Variants in HECW1 observed in about 807,000 individuals in gnomAD.
The protein encoded by HECW1 is HECT, C2 and WW domain containing E3 ubiquitin protein ligase 1.
In HECW1, 61 loss-of-function variants were observed where a neutral mutation model predicts 182.3. That is an observed-to-expected ratio of 0.33 (90% CI 0.27 to 0.41). The LOEUF (loss-of-function observed/expected upper bound fraction) is 0.41, where lower values mean the gene tolerates loss of function less well. Among genes scored for constraint, HECW1 ranks in the 10% least tolerant of loss-of-function variants. HECW1 has a pLI of 1.00. For missense variants in HECW1, 1,739 were observed against 2,108.9 expected, an observed-to-expected ratio of 0.82 and a Z score of 3.44; for synonymous variants, 859 against 832.6, an observed-to-expected ratio of 1.03 and a Z score of -0.55.
At chr7:43,356,775 A>G (rs1293544863) in intron 5 of HECW1, among the ~76,000 whole-genome samples, 1 of 152,230 alleles carries the variant, frequency 6.6e-6, no homozygotes, top group Non-Finnish European at 1.5e-5. Context: ...AAATTAAACT[A>G]CATGCTCCTG....
chr7:43,154,714 G>T (rs1387870390), intron 2 of HECW1, among the ~76,000 whole-genome samples: 1 of 152,186 alleles, frequency 6.6e-6, no homozygotes. Context: ...AATGTCTTAA[G>T]CCACACTGCG....
At chr7:43,306,929 G>A (rs894367039) in intron 3 of HECW1, among the ~76,000 whole-genome samples, 3 of 151,826 alleles carry the variant, frequency 2.0e-5, no homozygotes, top group African/African-American at 7.3e-5. Context: ...AACCCACAAG[G>A]CCTATTCCAA....
chr7:43,394,103 G>A (rs2075142838), intron 6 of HECW1, among the ~76,000 whole-genome samples: 1 of 152,192 alleles, frequency 6.6e-6, no homozygotes, highest in Non-Finnish European at 1.5e-5. Context: ...AGCACTGTGA[G>A]GAGGGGTGGT....
chr7:43,464,818 T>C (rs1244574432), intron 14 of HECW1, among the ~76,000 whole-genome samples: 1 of 152,196 alleles, frequency 6.6e-6, no homozygotes, highest in Non-Finnish European at 1.5e-5. Flanking sequence ...ATTATTATTA[T>C]TGAAGACAGA....
At position 43,112,895 on chromosome 7, in the gene HECW1, C is replaced by T. The variant is rs879373428; in HGVS notation, c.-309C>T. ...GTGCGCCCCCCAGCTCTAATCTGCGCGCTGACAGGAGCATGATCTGTGCCC... is the reference window on the plus strand; with the variant it reads ...GTGCGCCCCCCAGCTCTAATCTGCGTGCTGACAGGAGCATGATCTGTGCCC... On this transcript the variant is annotated 5_prime_UTR_variant, in exon 1 of 30. Transcript: ENST00000395891. 113 of 221,092 alleles carry T rather than the reference C, an allele frequency of 5.1e-4. No homozygotes were observed. Among genetic ancestry groups the T allele is most frequent in the South Asian group, 1.1e-3 (6 of 5,438 alleles). 13.7% of individuals were successfully genotyped at this position (221,092 alleles called of 1,614,324 possible). A position where few individuals can be genotyped will look rare whatever the true frequency, so the allele number is the denominator to read the frequency against.
At chr7:43,156,245 T>C (rs895932476) in intron 2 of HECW1, among the ~76,000 whole-genome samples, 3 of 152,208 alleles carry the variant, frequency 2.0e-5, no homozygotes, top group Non-Finnish European at 4.4e-5. Flanking sequence ...GTGCATTAAG[T>C]GTTCGTCAGC....
At chr7:43,421,962 G>A (rs553865232) in intron 8 of HECW1, among the ~76,000 whole-genome samples, 65 of 152,198 alleles carry the variant, frequency 4.3e-4, no homozygotes, top group African/African-American at 1.5e-3. Context: ...ATGATCCCTT[G>A]CTTTTGTCTT....
At position 43,565,395 on chromosome 7, in the gene HECW1, G is replaced by A. The variant is rs534255705; in HGVS notation, c.*3469G>A. ...GGCAAGCCAATGGCTGAGTTTTCCA[G>A]GGTAGTTTTAATATTACATCCATCA... On this transcript the variant is annotated 3_prime_UTR_variant, in exon 30 of 30. Transcript: ENST00000395891. 6 of 204,150 alleles carry A rather than the reference G, an allele frequency of 2.9e-5. No homozygotes were observed. In the East Asian group the frequency reaches 4.5e-4, roughly 15 times the overall value. 12.6% of individuals were successfully genotyped at this position (204,150 alleles called of 1,614,324 possible).
intron 2 of HECW1, among the ~76,000 whole-genome samples, chr7:43,143,312 C>G (rs1788365227): frequency 6.6e-6 from 1 of 151,952 alleles, no homozygotes; most frequent in African/African-American, 2.4e-5. Context: ...GAGACAAGGT[C>G]TCGCTCTGTC....
chr7:43,459,439 GAA>G (rs1025193319), intron 13 of HECW1, among the ~76,000 whole-genome samples: 1 of 151,768 alleles, frequency 6.6e-6, no homozygotes, highest in Non-Finnish European at 1.5e-5. Flanking sequence ...ATAATCAACT[GAA>G]GTTTTATTTT....
chr7:43,216,957 A>G (rs1357314010), intron 2 of HECW1, among the ~76,000 whole-genome samples: 1 of 152,156 alleles, frequency 6.6e-6, no homozygotes, highest in African/African-American at 2.4e-5. Context: ...TCCCAGCTGC[A>G]GTGTAATCTT....
chr7:43,411,766 C>G (rs1389691442), intron 8 of HECW1, among the ~76,000 whole-genome samples: 1 of 152,122 alleles, frequency 6.6e-6, no homozygotes, highest in Non-Finnish European at 1.5e-5. Flanking sequence ...TTTTATCACA[C>G]TAATATAGCC....
At chr7:43,256,226 G>A (rs1800552015) in intron 3 of HECW1, among the ~76,000 whole-genome samples, 1 of 152,196 alleles carries the variant, frequency 6.6e-6, no homozygotes, top group African/African-American at 2.4e-5. Context: ...AAGTGAGTAT[G>A]TGGGTTTTGA....
intron 8 of HECW1, among the ~76,000 whole-genome samples, chr7:43,434,006 C>T (rs2076630818): frequency 6.6e-6 from 1 of 152,090 alleles, no homozygotes; most frequent in South Asian, 2.1e-4. Flanking sequence ...ATTCCCAAAC[C>T]AGCAGAGGGC....
At position 43,243,424 on chromosome 7, in the gene HECW1, C is replaced by T. The variant is rs1313862921; in HGVS notation, c.-31-451C>T. Among the ~76,000 whole-genome samples, 2 of 152,144 alleles carry T rather than the reference C, an allele frequency of 1.3e-5. No homozygotes were observed. Among genetic ancestry groups the T allele is most frequent in the East Asian group, 3.8e-4 (2 of 5,196 alleles). ...GCCTGAGGGAGTAAGGGCACTGAAA[C>T]AGGCAGTGAATTTTCAGCAGTTTAA... On this transcript the variant is annotated intron_variant, in intron 2 of 29. Coordinates refer to ENST00000395891, the MANE Select transcript of HECW1 (RefSeq NM_015052.5). The surrounding 1 kb of genome is among the most constrained non-coding windows in gnomAD (Gnocchi z 4.0).
chr7:43,330,046 G>C (rs1281599124), intron 5 of HECW1, among the ~76,000 whole-genome samples: 1 of 152,190 alleles, frequency 6.6e-6, no homozygotes, highest in Admixed American at 6.5e-5. Flanking sequence ...AAGAGAAAGA[G>C]AGATCATGGA....
At chr7:43,125,630 T>C (rs1431425484) in intron 2 of HECW1, among the ~76,000 whole-genome samples, 2 of 151,736 alleles carry the variant, frequency 1.3e-5, no homozygotes, top group Non-Finnish European at 2.9e-5. Flanking sequence ...TGGTGTCACA[T>C]GGCTGTAATC....
At chr7:43,313,638 C>A (rs1277280311) in intron 4 of HECW1, among the ~76,000 whole-genome samples, 2 of 152,146 alleles carry the variant, frequency 1.3e-5, no homozygotes, top group Admixed American at 6.5e-5. Context: ...CCCTCGGCCG[C>A]ATATTTTGTT....
At chr7:43,144,966 G>C (rs975864902) in intron 2 of HECW1, among the ~76,000 whole-genome samples, 1 of 151,944 alleles carries the variant, frequency 6.6e-6, no homozygotes, top group Non-Finnish European at 1.5e-5. Context: ...ACAAATCAGT[G>C]GATAATTATA....
Sources: gnomAD v4.1 joint callset for allele counts (sites outside exome capture counted in the v4.1 genomes callset) on GRCh38, gnomAD v4.1.1 for gene constraint, Gnocchi (gnomAD v3.1) non-coding constraint, MANE v1.5 for transcripts, NCBI Gene and HGNC (gene_info 2026-07-23, HGNC 2026-07-21) for gene names.